NF1: variants seen among roughly 807,000 people sequenced by gnomAD.
NF1 encodes the protein neurofibromin.
A neutral mutation model predicts 325.7 loss-of-function variants in NF1; 122 were observed. The ratio of observed to expected loss-of-function variants is 0.37; its 90% CI spans 0.32 to 0.44. The LOEUF (loss-of-function observed/expected upper bound fraction) is 0.44, where lower values mean the gene tolerates loss of function less well. NF1 is among the 20% of genes least tolerant of loss of function. The pLI is 1.00. For missense variants in NF1, 2,140 were observed against 3,415.4 expected (o/e 0.63, Z 9.31); for synonymous variants, 1,091 against 1,186.0 (o/e 0.92, Z 1.65).
chr17:31,343,804 A>G (rs577970776), intron 48 of NF1, among the ~76,000 whole-genome samples: 3 of 152,174 alleles, frequency 2.0e-5, no homozygotes, highest in African/African-American at 7.2e-5. Flanking sequence ...AAAAATAAAA[A>G]CATTAGCCAG....
intron 36 of NF1, among the ~76,000 whole-genome samples, chr17:31,284,291 C>CT (rs1216415941): frequency 2.7e-4 from 41 of 150,550 alleles, no homozygotes; most frequent in African/African-American, 5.4e-4. Context: ...TTTGTTTTTT[C>CT]TTTTTTTTTG....
At chr17:31,236,606 A>ATTT (rs60376313) in intron 29 of NF1, among the ~76,000 whole-genome samples, 1 of 138,946 alleles carries the variant, frequency 7.2e-6, no homozygotes, top group Non-Finnish European at 1.6e-5. Flanking sequence ...CGCCCAGGTA[A>ATTT]TTTTTTTTTT....
intron 36 of NF1, among the ~76,000 whole-genome samples, chr17:31,277,315 A>G (rs2068027483): frequency 6.6e-6 from 1 of 152,184 alleles, no homozygotes. Flanking sequence ...CCAATCTTCC[A>G]TTCTTGCTTT....
intron 30 of NF1, chr17:31,250,091 A>T (rs373253814): frequency 1.5e-5 from 7 of 479,722 alleles, no homozygotes; most frequent in East Asian, 1.4e-4. Context: ...ATTTTTAAAG[A>T]TGTATCTGTT....
At chr17:31,222,363 C>A (rs1292347009) in intron 15 of NF1, 2 of 1,036,470 alleles carry the variant, frequency 1.9e-6, no homozygotes, top group Non-Finnish European at 2.3e-6. Context: ...ATAATGGACA[C>A]CTGCTTAGAA....
In NF1 at chr17:31,235,729, G is replaced by A. The variant is rs137854556; in HGVS notation, c.3827G>A (p.Arg1276Gln). Residue 1276 changes from arginine to glutamine, a missense_variant, in exon 28 of 58, where the codon CGA (arginine) becomes CAA (glutamine). Coordinates refer to ENST00000358273, the MANE Select transcript of NF1 (RefSeq NM_001042492.3). ...ELADSMQTLF[R>Q]GNSLASKIMT... ...GCAGACTCCATGCAGACTCTCTTCC[G>A]AGGCAACAGCTTGGCCAGTAAAATA... 3 of 1,613,960 alleles carry A rather than the reference G, an allele frequency of 1.9e-6. No homozygotes were observed. Among genetic ancestry groups the A allele is most frequent in the African/African-American group, 1.3e-5 (1 of 74,922 alleles).
intron 1 of NF1, among the ~76,000 whole-genome samples, chr17:31,114,266 C>T (rs911466593): frequency 3.9e-5 from 6 of 152,102 alleles, no homozygotes; most frequent in Non-Finnish European, 7.4e-5. Flanking sequence ...GTGGGGTAAC[C>T]TAAATCTTCA....
intron 30 of NF1, chr17:31,252,671 G>T (rs2067516232): frequency 1.2e-5 from 5 of 426,600 alleles, no homozygotes; most frequent in Non-Finnish European, 1.7e-5. Context: ...TTCACTTGGA[G>T]AGAGTTTTTC....
At chr17:31,279,250 C>CA (rs1488193492) in intron 36 of NF1, among the ~76,000 whole-genome samples, 1 of 151,978 alleles carries the variant, frequency 6.6e-6, no homozygotes, top group African/African-American at 2.4e-5. Flanking sequence ...GACCCTGTCT[C>CA]AAAAAAATTT....
At chr17:31,357,240 T>C in intron 53 of NF1, 29 bp from the exon 54 acceptor site, 1 of 1,600,442 alleles carries the variant, frequency 6.2e-7, no homozygotes, top group Middle Eastern at 1.7e-4. Context: ...GTAAAAATGT[T>C]GTGTGTTTAC....
Position 31,206,331 on chromosome 17 carries a change from T to G in NF1, c.1352T>G (p.Val451Gly), listed in dbSNP as rs747466938. 1.9e-6 allele frequency: 3 copies of G among 1,613,864 alleles called. No homozygotes were observed. Among genetic ancestry groups the G allele is most frequent in the Admixed American group, 1.7e-5 (1 of 60,006 alleles). Residue 451 changes from valine (V) to glycine (G), a missense_variant, in exon 12 of 58, where the codon GTG becomes GGG. Val to Gly is a moderately radical substitution (Grantham distance 109, BLOSUM62 -3). Around this residue, in one of 10 missense-constraint regions of NF1, gnomAD observed 179 missense variants for 381.0 expected, o/e 0.47. Transcript: ENST00000358273. ...TTTGGTGAAACACTTCATAAAGCAG[T>G]GCAAGGTTGTGGAGCACACCCAGCA... ...NMFGETLHKA[V>G]QGCGAHPAIR...
rs369826559 is a variant in NF1 at position 31,318,895 on chromosome 17, G to A, written c.4836-6925G>A. The A allele has an allele frequency of 2.5e-6, 4 of 1,614,072 alleles. No homozygotes were observed. The African/African-American group carries it at 4.0e-5, about 16-fold the overall frequency. On this transcript the variant is annotated intron_variant, in intron 36 of 57. Transcript: ENST00000358273. ...TTGAATAACTGAATCCCAGGAAGAA[G>A]TACTGTTAGCCCACAGACGGGTATA...
At chr17:31,339,221 A>T (rs923309216) in intron 46 of NF1, among the ~76,000 whole-genome samples, 20 of 152,152 alleles carry the variant, frequency 1.3e-4, no homozygotes, top group Admixed American at 1.1e-3. Context: ...TAATGAAGTA[A>T]ACAAAATACG....
intron 8 of NF1, among the ~76,000 whole-genome samples, chr17:31,187,324 G>A (rs1317134863): frequency 1.3e-5 from 2 of 152,122 alleles, no homozygotes; most frequent in Non-Finnish European, 2.9e-5. Flanking sequence ...TCAGCCTTCC[G>A]AGTACCTGGG....
chr17:31,230,242 G>C lies in NF1; in HGVS notation c.2991-18G>C, dbSNP rs2067089429. ...GTCTATATCTGATAATTTTTTTATTGTTTCTATGTCTATATAGGTATGTTC... is the reference window on the plus strand; with the variant it reads ...GTCTATATCTGATAATTTTTTTATTCTTTCTATGTCTATATAGGTATGTTC... On this transcript the variant is annotated intron_variant, in intron 22 of 57. Transcript: ENST00000358273. 6 of 1,609,996 alleles carry C rather than the reference G, an allele frequency of 3.7e-6. No homozygotes were observed. The highest frequency in any genetic ancestry group is 1.7e-6 in the Non-Finnish European group (2 of 1,177,594).
chr17:31,153,691 A>G (rs1158135956), intron 1 of NF1, among the ~76,000 whole-genome samples: 1 of 150,990 alleles, frequency 6.6e-6, no homozygotes, highest in East Asian at 2.0e-4. Flanking sequence ...TGGCTAGATC[A>G]CAGCAACTTT....
chr17:31,233,833 T>C (rs780920157), intron 27 of NF1, among the ~76,000 whole-genome samples: 1 of 152,206 alleles, frequency 6.6e-6, no homozygotes, highest in Non-Finnish European at 1.5e-5. Flanking sequence ...TAGTAAATTA[T>C]GACTAATAAG....
intron 45 of NF1, 90 bp from the exon 46 acceptor site, chr17:31,338,614 A>T: frequency 2.4e-6 from 2 of 834,954 alleles, no homozygotes; most frequent in East Asian, 2.5e-5. Flanking sequence ...TTAAATAAGT[A>T]AATGTTCCTG....
Position 31,336,628 on chromosome 17 carries a change from T to C in NF1, c.6148-7T>C, listed in dbSNP as rs2151554239. On this transcript the variant is annotated splice_region_variant and splice_polypyrimidine_tract_variant and intron_variant, in intron 41 of 57. Coordinates refer to ENST00000358273, the MANE Select transcript of NF1 (RefSeq NM_001042492.3). The surrounding 1 kb of genome is among the most constrained non-coding windows in gnomAD (Gnocchi z 5.5). ...TTTTTAAAAAAAAAAATCCTGCTTC[T>C]TTACAGGTTATTGGAAGGATGTGCA... The C allele has an allele frequency of 6.2e-7, 1 of 1,604,994 alleles. No homozygotes were observed.
Sources: gnomAD v4.1 joint callset for allele counts (sites outside exome capture counted in the v4.1 genomes callset) on GRCh38, gnomAD v4.1.1 for gene constraint, gnomAD v4.1.1 regional missense constraint, Gnocchi (gnomAD v3.1) non-coding constraint, MANE v1.5 for transcripts, NCBI Gene and HGNC (gene_info 2026-07-23, HGNC 2026-07-21) for gene names.